ADAM12: variants seen among roughly 807,000 people sequenced by gnomAD.
ADAM12 encodes the protein ADAM metallopeptidase domain 12.
Under a neutral mutation model 106.4 loss-of-function variants are expected in ADAM12, and 70 were observed. That is an observed-to-expected ratio of 0.66 (90% CI 0.54 to 0.80). The LOEUF is 0.80. Among genes scored for constraint, ADAM12 ranks in the 30% least tolerant of loss-of-function variants. The pLI, the probability that ADAM12 is intolerant of heterozygous loss-of-function variation, is 0.00. For synonymous variants in ADAM12, 420 were observed against 433.5 expected (o/e 0.97, Z 0.39); for missense variants, 1,010 against 1,171.9 (o/e 0.86, Z 2.02).
chr10:126,193,005 C>T (rs1261999389), intron 3 of ADAM12, among the ~76,000 whole-genome samples: 1 of 152,144 alleles, frequency 6.6e-6, no homozygotes. Context: ...GTGGCTCATG[C>T]CTGTAATCCC....
chr10:126,347,852 G>C (rs1049354629), intron 1 of ADAM12, among the ~76,000 whole-genome samples: 2 of 152,198 alleles, frequency 1.3e-5, no homozygotes, highest in African/African-American at 4.8e-5. Context: ...GGGTCACCCT[G>C]AATCCTGCCC....
intron 3 of ADAM12, among the ~76,000 whole-genome samples, chr10:126,258,092 T>A (rs1190685153): frequency 6.6e-6 from 1 of 152,204 alleles, no homozygotes; most frequent in Non-Finnish European, 1.5e-5. Flanking sequence ...AAGCATAGAA[T>A]AATATGCTAG....
chr10:126,043,216 A>AT lies in ADAM12; in HGVS notation c.1996-69_1996-68insA. Reference sequence around the variant, plus strand: ...TCTGTGCATCACCACAGCAGAAGCAAGGGGGGCCATGGTCAGAGCCCCCCC... The same window carrying AT: ...TCTGTGCATCACCACAGCAGAAGCAATGGGGGGCCATGGTCAGAGCCCCCCC... On this transcript the variant is annotated intron_variant, in intron 17 of 22. Transcript: ENST00000448723. The surrounding 1 kb of genome is among the most constrained non-coding windows in gnomAD (Gnocchi z 4.1). 1 of 1,448,082 alleles carries AT rather than the reference A, an allele frequency of 6.9e-7. No individual in the cohort carries two copies. The highest frequency in any genetic ancestry group is 1.2e-5 in the South Asian group (1 of 82,666). The allele number at this position is 1,448,082 out of a possible 1,614,324, so 89.7% of individuals were successfully genotyped here. A position where few individuals can be genotyped will look rare whatever the true frequency, so the allele number is the denominator to read the frequency against.
At chr10:126,026,661 C>CT (rs1288331109) in intron 21 of ADAM12, among the ~76,000 whole-genome samples, 3 of 152,296 alleles carry the variant, frequency 2.0e-5, no homozygotes, top group Non-Finnish European at 2.9e-5. Flanking sequence ...CAACCTGCTC[C>CT]TGAATGACTC....
chr10:126,348,360 G>C (rs1272977900), intron 1 of ADAM12, among the ~76,000 whole-genome samples: 1 of 152,154 alleles, frequency 6.6e-6, no homozygotes, highest in African/African-American at 2.4e-5. Flanking sequence ...AATGATATCA[G>C]GCTTTGAATG....
At chr10:126,387,964 C>CCCTCGGGGCAGCCCTGGA (rs1856735038) in intron 1 of ADAM12, 94 bp downstream of exon 1, 3 of 1,170,650 alleles carry the variant, frequency 2.6e-6, no homozygotes, top group Non-Finnish European at 3.2e-6. Context: ...GGCGCGTCGC[C>CCCTCGGGGCAGCCCTGGA]CCTCGGGGCA....
rs370128830 is a variant in ADAM12, at chr10:126,355,178, C to T, written c.89-24669G>A. 1.8e-4 allele frequency among the ~76,000 whole-genome samples: 28 copies of T among 151,686 alleles called. 1 individual carries two copies. The South Asian group carries it at 5.9e-3, about 32-fold the overall frequency. ...AACATAGATGAACTAAACATTCGGC[C>T]AAAAAATCACAACAATAAAAAGACA... is the stretch of plus-strand genomic sequence containing the variant. On this transcript the variant is annotated intron_variant, in intron 1 of 22. Coordinates refer to ENST00000448723, the MANE Select transcript of ADAM12 (RefSeq NM_001288973.2).
chr10:126,139,172 A>G (rs1206397531), intron 4 of ADAM12, among the ~76,000 whole-genome samples: 1 of 152,192 alleles, frequency 6.6e-6, no homozygotes, highest in Non-Finnish European at 1.5e-5. Flanking sequence ...GGAAGAACTT[A>G]TATTTTCATA....
Position 126,212,200 on chromosome 10 carries a change from A to G in ADAM12, c.261-56895T>C, listed in dbSNP as rs190237994. Among the ~76,000 whole-genome samples the G allele has an allele frequency of 2.0e-5, 3 of 152,348 alleles. No individual in the cohort carries two copies. In the East Asian group the frequency reaches 5.8e-4, roughly 29 times the overall value. ...ATGAGGATTTTCTCCTCTTTTATGC[A>G]TACTCATCCACAAACTCCAAAAAAA... On this transcript the variant is annotated intron_variant, in intron 3 of 22. Coordinates refer to ENST00000448723, the MANE Select transcript of ADAM12 (RefSeq NM_001288973.2).
At chr10:126,313,453 C>G (rs536944950) in intron 2 of ADAM12, among the ~76,000 whole-genome samples, 1 of 152,276 alleles carries the variant, frequency 6.6e-6, no homozygotes, top group African/African-American at 2.4e-5. Context: ...TTTGAAAATG[C>G]AAAGTATGGG....
intron 1 of ADAM12, among the ~76,000 whole-genome samples, chr10:126,339,031 C>T (rs113712278): frequency 0.015 from 2,270 of 152,286 alleles, 56 homozygotes; most frequent in African/African-American, 0.052. Context: ...CCAAAATACA[C>T]ACCAACTTGG....
intron 1 of ADAM12, among the ~76,000 whole-genome samples, chr10:126,360,778 G>C (rs1188555298): frequency 6.6e-6 from 1 of 152,098 alleles, no homozygotes; most frequent in Non-Finnish European, 1.5e-5. Context: ...ACATTTTCAG[G>C]TATCTTTTCA....
At chr10:126,272,767 G>C (rs1160828997) in intron 3 of ADAM12, 1 of 263,602 alleles carries the variant, frequency 3.8e-6, no homozygotes, top group Non-Finnish European at 8.0e-6. Context: ...GGAGGGTCCA[G>C]GCCATGTGCT....
chr10:126,180,370 GC>G (rs1045924218), intron 3 of ADAM12, among the ~76,000 whole-genome samples: 2 of 152,036 alleles, frequency 1.3e-5, no homozygotes, highest in Non-Finnish European at 2.9e-5. Flanking sequence ...TTCTGGAGGG[GC>G]CCCCCAGCAA....
chr10:126,289,960 G>A (rs1393387111), intron 2 of ADAM12, among the ~76,000 whole-genome samples: 2 of 152,142 alleles, frequency 1.3e-5, no homozygotes, highest in Non-Finnish European at 2.9e-5. Flanking sequence ...TTGGCAAAAG[G>A]GACTGTGAAG....
intron 11 of ADAM12, among the ~76,000 whole-genome samples, chr10:126,090,405 G>A (rs4962320): frequency 0.53 from 80,505 of 151,374 alleles, 24,264 homozygotes; most frequent in Non-Finnish European, 0.68. Flanking sequence ...TTACTATTAC[G>A]CTAAATATTC....
At chr10:126,384,190 G>T (rs4447079) in intron 1 of ADAM12, among the ~76,000 whole-genome samples, 1 of 151,980 alleles carries the variant, frequency 6.6e-6, no homozygotes, top group East Asian at 1.9e-4. Flanking sequence ...GATCACATCA[G>T]TGACCTGACA....
At position 126,155,238 on chromosome 10, in the gene ADAM12, G is replaced by T. The variant is rs1956792680; in HGVS notation, c.328C>A (p.Arg110=). 6.2e-7 allele frequency: 1 copy of T among 1,614,074 alleles called. No homozygotes were observed. Among genetic ancestry groups the T allele is most frequent in the African/African-American group, 1.3e-5 (1 of 75,026 alleles). The part of the protein sequence containing the change: ...LQDGTDVSLA[R]NYTGHCYYHG... The stretch of plus-strand genomic sequence containing the variant: ...CGTGCCAGAATTACCGTGTAATTTC[G>T]AGCGAGGGAGACATCAGTACCGTCT... The change falls in exon 4 of 23, where the codon CGA becomes AGA. Residue 110 remains arginine (R), a synonymous_variant. Coordinates refer to ENST00000448723, the MANE Select transcript of ADAM12 (RefSeq NM_001288973.2).
At chr10:126,345,368 T>C (rs1408985096) in intron 1 of ADAM12, among the ~76,000 whole-genome samples, 4 of 152,230 alleles carry the variant, frequency 2.6e-5, no homozygotes, top group Non-Finnish European at 5.9e-5. Flanking sequence ...ATCCCAGGGA[T>C]GAAGCCCACT....
Sources: gnomAD v4.1 joint callset for allele counts (sites outside exome capture counted in the v4.1 genomes callset) on GRCh38, gnomAD v4.1.1 for gene constraint, Gnocchi (gnomAD v3.1) non-coding constraint, MANE v1.5 for transcripts, NCBI Gene and HGNC (gene_info 2026-07-23, HGNC 2026-07-21) for gene names.